Variants in TMCC3 observed in about 807,000 individuals in gnomAD.
TMCC3 encodes the protein transmembrane and coiled-coil domain protein 3.
A neutral mutation model predicts 40.2 loss-of-function variants in TMCC3; 28 were observed. The observed-to-expected ratio is 0.70, with a 90% confidence interval of 0.52 to 0.95. The LOEUF is 0.95. TMCC3 is among the 40% of genes least tolerant of loss of function. The pLI, the probability that TMCC3 is intolerant of heterozygous loss-of-function variation, is 0.00. For synonymous variants in TMCC3, 255 were observed against 248.5 expected, an observed-to-expected ratio of 1.03 and a Z score of -0.25; for missense variants, 554 against 615.2, an observed-to-expected ratio of 0.90 and a Z score of 1.05.
chr12:94,575,387 T>C lies in TMCC3; in HGVS notation c.1131+3007A>G, dbSNP rs74637488. 9.5e-3 allele frequency among the ~76,000 whole-genome samples: 1,453 copies of C among 152,312 alleles called. 31 individuals are homozygous for C. Among genetic ancestry groups the C allele is most frequent in the African/African-American group, 0.034 (1,398 of 41,558 alleles). On this transcript the variant is annotated intron_variant, in intron 3 of 3. Coordinates refer to ENST00000261226, the MANE Select transcript of TMCC3 (RefSeq NM_020698.4). ...ACATGATTATTCCATTTAATCTTCC[T>C]TGACAACCTTTTGAGGTAGAGCTCA...
intron 1 of TMCC3, among the ~76,000 whole-genome samples, chr12:94,586,825 T>G (rs1807783): frequency 0.56 from 84,528 of 152,092 alleles, 23,589 homozygotes; most frequent in Admixed American, 0.59. Flanking sequence ...AACAATGCTT[T>G]GCATGTTCTC....
At chr12:94,574,393 A>AAC (rs386377424) in intron 3 of TMCC3, among the ~76,000 whole-genome samples, 4 of 49,006 alleles carry the variant, frequency 8.2e-5, no homozygotes, top group African/African-American at 1.4e-4. Context: ...CTCAAAAAAC[A>AAC]AAAAAAAAAA....
intron 1 of TMCC3, among the ~76,000 whole-genome samples, chr12:94,637,243 C>A: frequency 6.6e-6 from 1 of 152,162 alleles, no homozygotes. Flanking sequence ...ACTATAGTTA[C>A]ATAAAATGCA....
At chr12:94,648,555 A>G (rs2069033926) in intron 1 of TMCC3, among the ~76,000 whole-genome samples, 1 of 152,222 alleles carries the variant, frequency 6.6e-6, no homozygotes, top group African/African-American at 2.4e-5. Flanking sequence ...AAATCAAGAA[A>G]TCACATAAGG....
rs1204835020 is a variant in TMCC3 at position 94,571,195 on chromosome 12, G to C, written c.*240C>G. 7.6e-6 allele frequency: 4 copies of C among 523,682 alleles called. No homozygotes were observed. Among genetic ancestry groups the C allele is most frequent in the Non-Finnish European group, 1.4e-5 (4 of 292,954 alleles). The allele number at this position is 523,682 out of a possible 1,614,324, so 32.4% of individuals were successfully genotyped here. On this transcript the variant is annotated 3_prime_UTR_variant, in exon 4 of 4. Coordinates refer to ENST00000261226, the MANE Select transcript of TMCC3 (RefSeq NM_020698.4). ...GGGCTGGTCAGGTGGGCAGGAAATC[G>C]GTCTGATTAAGGCAGTGAGCAAGGT... is the stretch of plus-strand genomic sequence containing the variant.
chr12:94,578,908 C>A (rs2068583992), intron 2 of TMCC3, among the ~76,000 whole-genome samples: 1 of 152,148 alleles, frequency 6.6e-6, no homozygotes, highest in Admixed American at 6.5e-5. Context: ...GTCTGTGGTG[C>A]CTTTTCCCTA....
Position 94,571,403 on chromosome 12 carries a change from T to G in TMCC3, c.*32A>C. On this transcript the variant is annotated 3_prime_UTR_variant, in exon 4 of 4. Coordinates refer to ENST00000261226, the MANE Select transcript of TMCC3 (RefSeq NM_020698.4). Reference sequence around the variant, plus strand: ...ACAGAGTTTTCTTTAAAATAAAAACTTGAAAGAACTTGAAGGCAGGAACCA... The same window carrying G: ...ACAGAGTTTTCTTTAAAATAAAAACGTGAAAGAACTTGAAGGCAGGAACCA... 1 of 1,594,396 alleles carries G rather than the reference T, an allele frequency of 6.3e-7. No homozygotes were observed.
chr12:94,586,899 T>C (rs1438110893), intron 1 of TMCC3, among the ~76,000 whole-genome samples: 1 of 152,248 alleles, frequency 6.6e-6, no homozygotes, highest in African/African-American at 2.4e-5. Flanking sequence ...TTACTGCTTG[T>C]CAGCAAATCT....
rs10507040 is a variant in TMCC3, at chr12:94,569,700, T to G, written c.*1735A>C. On this transcript the variant is annotated 3_prime_UTR_variant, in exon 4 of 4. Transcript: ENST00000261226. ...GTCCCGCTCACACACACTGGACTTG[T>G]ACTAAATGCTCAACGATTCCATTCT... is the stretch of plus-strand genomic sequence containing the variant. The G allele has an allele frequency of 6.6e-6, 1 of 152,202 alleles. No homozygotes were observed. The highest frequency in any genetic ancestry group is 1.5e-5 in the Non-Finnish European group (1 of 68,040). 9.4% of individuals were successfully genotyped at this position (152,202 alleles called of 1,614,324 possible).
rs144341665 is a variant in TMCC3, at chr12:94,569,092, A to G, written c.*2343T>C. ...GTGGGCTGGTGTGAAAATGAAGCCT[A>G]CGTCTTCTTGGACCCTCCCAGAGCC... On this transcript the variant is annotated 3_prime_UTR_variant, in exon 4 of 4. Transcript: ENST00000261226. The G allele has an allele frequency of 2.6e-5, 4 of 152,336 alleles. No homozygotes were observed. Among genetic ancestry groups the G allele is most frequent in the African/African-American group, 9.6e-5 (4 of 41,560 alleles). 9.4% of individuals were successfully genotyped at this position (152,336 alleles called of 1,614,324 possible). A position where few individuals can be genotyped will look rare whatever the true frequency, so the allele number is the denominator to read the frequency against.
intron 1 of TMCC3, chr12:94,616,056 C>CT (rs1188545147): frequency 7.1e-6 from 7 of 985,272 alleles, no homozygotes; most frequent in Non-Finnish European, 8.4e-6. Flanking sequence ...TCAGCCTGGA[C>CT]TTTGGAGATA....
intron 1 of TMCC3, among the ~76,000 whole-genome samples, chr12:94,632,884 A>C (rs1405833912): frequency 1.3e-5 from 2 of 152,228 alleles, no homozygotes; most frequent in Non-Finnish European, 2.9e-5. Context: ...AGGCAGGCAG[A>C]TCACTTGAGG....
At chr12:94,581,556 T>G in intron 2 of TMCC3, 66 bp downstream of exon 2, 1 of 1,114,418 alleles carries the variant, frequency 9.0e-7, no homozygotes, top group Non-Finnish European at 1.2e-6. Context: ...AAAAATAAAA[T>G]AACATAAAAT....
At chr12:94,629,681 G>A (rs1032095320) in intron 1 of TMCC3, among the ~76,000 whole-genome samples, 7 of 152,156 alleles carry the variant, frequency 4.6e-5, no homozygotes, top group East Asian at 1.9e-4. Flanking sequence ...GTATGAGCTC[G>A]GGACACCTAC....
At chr12:94,636,756 C>T (rs2068963069) in intron 1 of TMCC3, among the ~76,000 whole-genome samples, 1 of 152,232 alleles carries the variant, frequency 6.6e-6, no homozygotes. Flanking sequence ...ATGGAACATG[C>T]CCTGTGGCAG....
At chr12:94,637,830 G>A (rs2068968769) in intron 1 of TMCC3, among the ~76,000 whole-genome samples, 1 of 152,190 alleles carries the variant, frequency 6.6e-6, no homozygotes, top group Non-Finnish European at 1.5e-5. Context: ...AGTAGAATAA[G>A]CTTTCCAGCT....
intron 1 of TMCC3, among the ~76,000 whole-genome samples, chr12:94,600,865 T>C (rs1594281390): frequency 6.6e-6 from 1 of 152,336 alleles, no homozygotes; most frequent in East Asian, 1.9e-4. Context: ...AAGCATTCAC[T>C]TTCTCAGGTA....
intron 1 of TMCC3, among the ~76,000 whole-genome samples, chr12:94,613,604 T>G (rs1315600518): frequency 6.6e-6 from 1 of 152,092 alleles, no homozygotes; most frequent in African/African-American, 2.4e-5. Context: ...AGAAAAATCT[T>G]GAGAATAGTT....
intron 1 of TMCC3, among the ~76,000 whole-genome samples, chr12:94,606,766 A>T (rs2068786060): frequency 6.6e-6 from 1 of 152,174 alleles, no homozygotes. Flanking sequence ...GAGGGGGTGT[A>T]CGAACAGGGC....
Sources: gnomAD v4.1 joint callset for allele counts (sites outside exome capture counted in the v4.1 genomes callset) on GRCh38, gnomAD v4.1.1 for gene constraint, MANE v1.5 for transcripts, NCBI Gene and HGNC (gene_info 2026-07-23, HGNC 2026-07-21) for gene names.